The following BTBD9 variants were observed in gnomAD, a reference collection of about 807,000 sequenced individuals.
BTBD9 encodes BTB/POZ domain-containing protein 9.
A neutral mutation model predicts 64.3 loss-of-function variants in BTBD9; 49 were observed. That is an observed-to-expected ratio of 0.76 (90% CI 0.61 to 0.97). The LOEUF (loss-of-function observed/expected upper bound fraction) is 0.97. Ranked by LOEUF, BTBD9 falls within the 50% of genes least tolerant of loss-of-function variation. The probability of loss-of-function intolerance (pLI) is 0.00; values close to 1 mark genes in which losing one functional copy is unlikely to be tolerated. For synonymous variants in BTBD9, 260 were observed against 274.7 expected (o/e 0.95, Z 0.53); for missense variants, 598 against 762.1 (o/e 0.78, Z 2.53).
chr6:38,463,187 G>A (rs908846275), intron 6 of BTBD9, among the ~76,000 whole-genome samples: 2 of 152,206 alleles, frequency 1.3e-5, no homozygotes, highest in African/African-American at 2.4e-5. Context: ...TGTTGATTGT[G>A]GATAGCATAG....
chr6:38,282,548 G>A (rs1244005313), intron 8 of BTBD9, among the ~76,000 whole-genome samples: 2 of 152,180 alleles, frequency 1.3e-5, no homozygotes, highest in African/African-American at 2.4e-5. Flanking sequence ...CTCTGATGGC[G>A]CTGAAGAAAC....
intron 9 of BTBD9, among the ~76,000 whole-genome samples, chr6:38,252,209 G>A (rs374302746): frequency 1.3e-5 from 2 of 152,112 alleles, no homozygotes; most frequent in African/African-American, 2.4e-5. Flanking sequence ...ATTTCTTGAC[G>A]AGGTAGAATG....
intron 6 of BTBD9, among the ~76,000 whole-genome samples, chr6:38,378,995 G>A (rs1008190989): frequency 6.6e-6 from 1 of 151,926 alleles, no homozygotes; most frequent in African/African-American, 2.4e-5. Context: ...ATAATTTATC[G>A]CCCAAACCCG....
intron 6 of BTBD9, among the ~76,000 whole-genome samples, chr6:38,422,606 G>T (rs1421888110): frequency 6.6e-6 from 1 of 151,986 alleles, no homozygotes. Flanking sequence ...TGTAGAATAG[G>T]GATCCCTGTA....
intron 7 of BTBD9, among the ~76,000 whole-genome samples, chr6:38,316,800 TG>T (rs1310685718): frequency 2.6e-5 from 4 of 152,236 alleles, no homozygotes; most frequent in African/African-American, 7.2e-5. Context: ...TACCTTCAGA[TG>T]ACTTCTTATT....
intron 9 of BTBD9, among the ~76,000 whole-genome samples, chr6:38,207,712 T>C (rs1250178300): frequency 6.6e-6 from 1 of 152,044 alleles, no homozygotes; most frequent in African/African-American, 2.4e-5. Context: ...AGAATATATA[T>C]ACTTGTTTAT....
At chr6:38,602,125 G>T (rs573029270) in intron 1 of BTBD9, among the ~76,000 whole-genome samples, 1 of 152,134 alleles carries the variant, frequency 6.6e-6, no homozygotes, top group African/African-American at 2.4e-5. Context: ...TAACCATATT[G>T]TAAGTCTAGG....
intron 7 of BTBD9, among the ~76,000 whole-genome samples, chr6:38,297,911 G>A (rs1561989397): frequency 6.6e-6 from 1 of 150,698 alleles, no homozygotes; most frequent in African/African-American, 2.4e-5. Flanking sequence ...TGCTATCTCG[G>A]CTCACTGCAA....
intron 10 of BTBD9, chr6:38,179,837 C>T (rs1480135379): frequency 2.2e-6 from 1 of 456,756 alleles, no homozygotes; most frequent in African/African-American, 2.0e-5. Context: ...TCAGGGCAGG[C>T]TACAGAGAGG....
chr6:38,555,447 C>T (rs772745912), intron 6 of BTBD9, among the ~76,000 whole-genome samples: 1 of 152,182 alleles, frequency 6.6e-6, no homozygotes, highest in Non-Finnish European at 1.5e-5. Context: ...GGTTTCATTA[C>T]ATTAAAAATT....
chr6:38,221,862 A>G (rs1246862259), intron 9 of BTBD9, among the ~76,000 whole-genome samples: 3 of 152,062 alleles, frequency 2.0e-5, no homozygotes, highest in Non-Finnish European at 4.4e-5. Context: ...CTGGTGGTGC[A>G]TGCCTGTAGT....
At chr6:38,544,927 C>CAAAAAAAAAAAAAAAAAA (rs58694810) in intron 6 of BTBD9, among the ~76,000 whole-genome samples, 1 of 48,284 alleles carries the variant, frequency 2.1e-5, no homozygotes, top group African/African-American at 7.5e-5. Context: ...AACTACATCT[C>CAAAAAAAAAAAAAAAAAA]AAAAAAAAAA....
At chr6:38,233,590 TGTG>T in intron 9 of BTBD9, among the ~76,000 whole-genome samples, 1 of 152,376 alleles carries the variant, frequency 6.6e-6, no homozygotes, top group Admixed American at 6.5e-5. Flanking sequence ...GCACTATGAC[TGTG>T]GCCTTACTTG....
At chr6:38,213,296 C>T (rs1762897504) in intron 9 of BTBD9, among the ~76,000 whole-genome samples, 1 of 152,114 alleles carries the variant, frequency 6.6e-6, no homozygotes, top group Non-Finnish European at 1.5e-5. Flanking sequence ...TAGACTCTCC[C>T]TCTCCAGCCA....
intron 6 of BTBD9, among the ~76,000 whole-genome samples, chr6:38,486,629 G>A (rs186570430): frequency 6.6e-6 from 1 of 152,148 alleles, no homozygotes; most frequent in South Asian, 2.1e-4. Context: ...TCTTCTATGG[G>A]TGTGGTTTGT....
chr6:38,263,221 C>CA (rs1276836490), intron 8 of BTBD9, among the ~76,000 whole-genome samples: 1 of 152,164 alleles, frequency 6.6e-6, no homozygotes, highest in Non-Finnish European at 1.5e-5. Flanking sequence ...TTCAACAATT[C>CA]AAAAAATATT....
At chr6:38,335,419 A>AT (rs1223865205) in intron 7 of BTBD9, among the ~76,000 whole-genome samples, 4 of 151,696 alleles carry the variant, frequency 2.6e-5, no homozygotes, top group African/African-American at 9.7e-5. Flanking sequence ...AACCTGGTTA[A>AT]TTTTTGTATT....
intron 6 of BTBD9, among the ~76,000 whole-genome samples, chr6:38,412,241 A>T (rs954752432): frequency 6.6e-6 from 1 of 152,158 alleles, no homozygotes; most frequent in African/African-American, 2.4e-5. Flanking sequence ...CCTAATATAT[A>T]AAGAATTCCT....
At chr6:38,178,453 G>A (rs1008694535) in intron 10 of BTBD9, among the ~76,000 whole-genome samples, 1 of 152,200 alleles carries the variant, frequency 6.6e-6, no homozygotes, top group African/African-American at 2.4e-5. Context: ...GTGCCTGACT[G>A]GGCGAGGTCC....
Sources: allele counts gnomAD v4.1 joint callset (sites outside exome capture counted in the v4.1 genomes callset), GRCh38; gene constraint gnomAD v4.1.1; transcripts MANE v1.5; gene names NCBI Gene and HGNC (gene_info 2026-07-23, HGNC 2026-07-21).